The following EPS15 variants were observed in gnomAD, a reference collection of about 807,000 sequenced individuals.
The protein encoded by EPS15 is epidermal growth factor receptor substrate 15.
A neutral mutation model predicts 113.8 loss-of-function variants in EPS15; 72 were observed. The observed-to-expected ratio is 0.63, with a 90% CI of 0.52 to 0.77. The LOEUF is 0.77. Among genes scored for constraint, EPS15 ranks in the 30% least tolerant of loss-of-function variants. The pLI, the probability that EPS15 is intolerant of heterozygous loss-of-function variation, is 0.00. For missense variants in EPS15, 1,048 were observed against 1,045.8 expected, an observed-to-expected ratio of 1.00 and a Z score of -0.03; for synonymous variants, 344 against 363.4, an observed-to-expected ratio of 0.95 and a Z score of 0.61.
intron 11 of EPS15, among the ~76,000 whole-genome samples, chr1:51,443,102 G>A (rs925496030): frequency 6.6e-6 from 1 of 152,018 alleles, no homozygotes; most frequent in African/African-American, 2.4e-5. Context: ...AATAATACTG[G>A]TATCTGACAT....
intron 12 of EPS15, among the ~76,000 whole-genome samples, chr1:51,434,774 C>T (rs1309752095): frequency 1.3e-5 from 2 of 152,306 alleles, no homozygotes; most frequent in East Asian, 1.9e-4. Flanking sequence ...CGGGTTCAAG[C>T]GATTCTGCTG....
At chr1:51,485,711 G>A (rs899212319) in intron 1 of EPS15, among the ~76,000 whole-genome samples, 6 of 152,166 alleles carry the variant, frequency 3.9e-5, no homozygotes, top group African/African-American at 1.4e-4. Flanking sequence ...AGGAAGAACC[G>A]AACAAATTAA....
chr1:51,450,778 G>C (rs930480203), intron 8 of EPS15, among the ~76,000 whole-genome samples: 1 of 151,774 alleles, frequency 6.6e-6, no homozygotes, highest in Non-Finnish European at 1.5e-5. Flanking sequence ...AGCACCGTTT[G>C]TATCAGCACC....
intron 6 of EPS15, among the ~76,000 whole-genome samples, chr1:51,464,552 A>G (rs1006079952): frequency 6.6e-6 from 1 of 152,192 alleles, no homozygotes; most frequent in Admixed American, 6.5e-5. Context: ...AAAATAAAAT[A>G]ATTACTAAAG....
Position 51,399,073 on chromosome 1 carries a change from T to C in EPS15, c.2011A>G (p.Thr671Ala). ...TTGTTGGCTGCACTGAAAGGGTCAG[T>C]GCTTGAAGTGGCAAAAGGATCAGTA... ...QSTDPFATSS[T>A]DPFSAANNSS... The change falls in exon 20 of 25, where the codon ACT becomes GCT. Residue 671 changes from threonine to alanine, a missense_variant. Transcript: ENST00000371733. 2 of 1,614,140 alleles carry C rather than the reference T, an allele frequency of 1.2e-6. No individual in the cohort carries two copies.
intron 17 of EPS15, among the ~76,000 whole-genome samples, chr1:51,403,029 G>C (rs915175763): frequency 2.0e-5 from 3 of 152,038 alleles, no homozygotes; most frequent in Non-Finnish European, 2.9e-5. Flanking sequence ...ACCTAAAATA[G>C]TGTATAATTC....
At chr1:51,473,615 A>T (rs1210595858) in intron 2 of EPS15, among the ~76,000 whole-genome samples, 1 of 152,118 alleles carries the variant, frequency 6.6e-6, no homozygotes, top group Non-Finnish European at 1.5e-5. Context: ...CAACAACAAA[A>T]ACAGGAAAAA....
intron 1 of EPS15, among the ~76,000 whole-genome samples, chr1:51,503,938 AT>A (rs1159882390): frequency 3.3e-5 from 5 of 152,214 alleles, no homozygotes; most frequent in Admixed American, 1.3e-4. Context: ...CACACCATAT[AT>A]AAAAATCAAC....
intron 1 of EPS15, among the ~76,000 whole-genome samples, chr1:51,509,762 G>A (rs947120836): frequency 6.6e-6 from 1 of 152,106 alleles, no homozygotes; most frequent in African/African-American, 2.4e-5. Context: ...CTATAACTTC[G>A]TGCAACAATC....
At chr1:51,484,588 T>A (rs973451873) in intron 1 of EPS15, among the ~76,000 whole-genome samples, 1 of 152,194 alleles carries the variant, frequency 6.6e-6, no homozygotes, top group African/African-American at 2.4e-5. Context: ...TGATGAAATC[T>A]GGAAGAGAAC....
chr1:51,484,900 A>G (rs147609452), intron 1 of EPS15, among the ~76,000 whole-genome samples: 1 of 152,366 alleles, frequency 6.6e-6, no homozygotes, highest in East Asian at 1.9e-4. Flanking sequence ...TGCAAAGTCA[A>G]TAGTATGAAA....
At chr1:51,440,576 T>C in intron 11 of EPS15, 144 bp from the exon 12 acceptor site, 1 of 379,202 alleles carries the variant, frequency 2.6e-6, no homozygotes, top group East Asian at 4.0e-5. Flanking sequence ...GAAAATCATA[T>C]CTAGTACAAT....
chr1:51,444,893 T>G lies in EPS15; in HGVS notation c.950A>C (p.Gln317Pro). The G allele has an allele frequency of 6.2e-7, 1 of 1,612,938 alleles. No individual in the cohort carries two copies. Among genetic ancestry groups the G allele is most frequent in the African/African-American group, 1.3e-5 (1 of 74,994 alleles). The stretch of plus-strand genomic sequence containing the variant: ...TTTCCTTTTAAGCTTTCTTACCTTT[T>G]GTAAACTGGCCCTGTCTGATGGTGG... ...MIPPSDRASLQKNIIGSSPVA... is the reference protein window; with the variant it reads ...MIPPSDRASLPKNIIGSSPVA... Residue 317 changes from glutamine (Q) to proline (P), a missense_variant, in exon 11 of 25, where the codon CAA (glutamine) becomes CCA (proline). Transcript: ENST00000371733.
chr1:51,391,534 T>C (rs116416991), intron 21 of EPS15, among the ~76,000 whole-genome samples: 195 of 152,136 alleles, frequency 1.3e-3, no homozygotes, highest in African/African-American at 4.4e-3. Context: ...CATGTGAACA[T>C]ACGGAGAAGG....
chr1:51,446,918 C>T (rs1557478117), intron 10 of EPS15, 42 bp downstream of exon 10: 2 of 1,511,482 alleles, frequency 1.3e-6, no homozygotes, highest in Non-Finnish European at 1.8e-6. Context: ...GGAATTGATA[C>T]AAAACCATAT....
chr1:51,423,965 A>C (rs1270691420), intron 12 of EPS15, among the ~76,000 whole-genome samples: 1 of 152,122 alleles, frequency 6.6e-6, no homozygotes, highest in African/African-American at 2.4e-5. Context: ...GGATGGTGTT[A>C]TCTCTAATCA....
At chr1:51,433,367 G>A (rs766281445) in intron 12 of EPS15, among the ~76,000 whole-genome samples, 1 of 152,206 alleles carries the variant, frequency 6.6e-6, no homozygotes, top group Non-Finnish European at 1.5e-5. Context: ...ATTGTACATG[G>A]TTATTCATAT....
rs1261781395 is a variant in EPS15 at position 51,406,023 on chromosome 1, A to C, written c.1559T>G (p.Val520Gly). 6.2e-7 allele frequency: 1 copy of C among 1,614,186 alleles called. No individual in the cohort carries two copies. Among genetic ancestry groups the C allele is most frequent in the Admixed American group, 1.7e-5 (1 of 60,014 alleles). ...NWCSSPHSIL[V>G]NGATDYCSLS... The stretch of plus-strand genomic sequence containing the variant: ...GCTGCAATAATCTGTAGCTCCGTTT[A>C]CAAGAATGCTGTGTGGGCTACTGCA... Residue 520 changes from valine (V) to glycine (G), a missense_variant, in exon 16 of 25, where the codon GTA (valine) becomes GGA (glycine). Transcript: ENST00000371733.
chr1:51,503,006 C>CAAA (rs56340331), intron 1 of EPS15, among the ~76,000 whole-genome samples: 3 of 67,458 alleles, frequency 4.4e-5, no homozygotes, highest in African/African-American at 1.0e-4. Context: ...GACTCTGTCT[C>CAAA]AAAAAAAAAA....
Sources: allele counts gnomAD v4.1 joint callset (sites outside exome capture counted in the v4.1 genomes callset), GRCh38; gene constraint gnomAD v4.1.1; transcripts MANE v1.5; gene names NCBI Gene and HGNC (gene_info 2026-07-23, HGNC 2026-07-21).